The following DPYD variants were observed in gnomAD, a reference collection of about 807,000 sequenced individuals.
DPYD encodes the protein dihydropyrimidine dehydrogenase, also known as dihydropyrimidine dehydrogenase [NADP(+)].
A neutral mutation model predicts 116.2 loss-of-function variants in DPYD; 109 were observed. That is an observed-to-expected ratio of 0.94 (90% CI 0.80 to 1.10). DPYD has a LOEUF of 1.10. DPYD is among the 50% of genes least tolerant of loss of function. The probability of loss-of-function intolerance (pLI) is 0.00; values close to 1 mark genes in which losing one functional copy is unlikely to be tolerated. For missense variants in DPYD, 1,302 were observed against 1,254.5 expected (o/e 1.04, Z -0.57); for synonymous variants, 440 against 432.0 (o/e 1.02, Z -0.23).
At chr1:97,553,701 T>C (rs1348118963) in intron 11 of DPYD, among the ~76,000 whole-genome samples, 1 of 152,118 alleles carries the variant, frequency 6.6e-6, no homozygotes, top group Non-Finnish European at 1.5e-5. Flanking sequence ...TTTTCTGTTA[T>C]GTTCATGCAC....
intron 18 of DPYD, among the ~76,000 whole-genome samples, chr1:97,244,819 C>T (rs916377111): frequency 1.7e-4 from 26 of 151,914 alleles, no homozygotes; most frequent in African/African-American, 5.3e-4. Flanking sequence ...ATTGAGGAAA[C>T]GCACAAATGG....
intron 14 of DPYD, among the ~76,000 whole-genome samples, chr1:97,408,280 C>T (rs938224638): frequency 2.6e-5 from 4 of 152,148 alleles, no homozygotes; most frequent in Admixed American, 6.6e-5. Flanking sequence ...CCTACGACCA[C>T]GTGACCAGCT....
chr1:97,645,473 T>C (rs1011380749), intron 8 of DPYD, among the ~76,000 whole-genome samples: 1 of 152,174 alleles, frequency 6.6e-6, no homozygotes, highest in East Asian at 1.9e-4. Flanking sequence ...ATCCCAGTTA[T>C]ATCAATGCCA....
chr1:97,519,505 T>TCTAAAACCCA (rs778322905), intron 12 of DPYD, among the ~76,000 whole-genome samples: 16 of 152,136 alleles, frequency 1.1e-4, no homozygotes, highest in South Asian at 2.1e-4. Context: ...ATCCTGATAC[T>TCTAAAACCCA]CTAAAACCCA....
intron 16 of DPYD, among the ~76,000 whole-genome samples, chr1:97,370,092 T>A (rs1281060165): frequency 1.3e-5 from 2 of 152,174 alleles, no homozygotes; most frequent in East Asian, 3.9e-4. Context: ...TACGTGTGCA[T>A]GTGTCTTTAT....
chr1:97,499,733 CCTT>C (rs1314589819), intron 13 of DPYD, among the ~76,000 whole-genome samples: 1 of 151,800 alleles, frequency 6.6e-6, no homozygotes, highest in African/African-American at 2.4e-5. Flanking sequence ...TTAATTTAGG[CCTT>C]CTTATCTCAT....
chr1:97,720,676 T>C lies in DPYD; in HGVS notation c.483+834A>G, dbSNP rs56066952. The C allele has an allele frequency of 3.3e-3, 4,553 of 1,360,688 alleles. 12 individuals carry two copies. The highest frequency in any genetic ancestry group is 3.8e-3 in the Non-Finnish European group (3,980 of 1,056,184). 84.3% of individuals were successfully genotyped at this position (1,360,688 alleles called of 1,614,324 possible). On this transcript the variant is annotated intron_variant, in intron 5 of 22. Coordinates refer to ENST00000370192, the MANE Select transcript of DPYD (RefSeq NM_000110.4). ...ATGAAAGAACACATTGTGTTTATGC[T>C]GACAAAACCAGATCAGTAAGTCATT...
intron 8 of DPYD, among the ~76,000 whole-genome samples, chr1:97,620,267 C>T (rs1312558968): frequency 1.3e-5 from 2 of 152,130 alleles, no homozygotes; most frequent in African/African-American, 4.8e-5. Context: ...GGTTAGAGTG[C>T]AGTGGCATGA....
chr1:97,334,203 T>C (rs891400750), intron 16 of DPYD, among the ~76,000 whole-genome samples: 5 of 152,220 alleles, frequency 3.3e-5, no homozygotes, highest in East Asian at 1.9e-4. Flanking sequence ...CAATAATTTC[T>C]TGTTAATTTT....
Position 97,450,646 on chromosome 1 carries a change from A to AT in DPYD, c.1741-424dup, listed in dbSNP as rs915099278. 3.9e-4 allele frequency among the ~76,000 whole-genome samples: 59 copies of AT among 149,902 alleles called. 1 individual carries two copies. The highest frequency in any genetic ancestry group is 1.1e-3 in the Admixed American group (17 of 14,952). On this transcript the variant is annotated intron_variant, in intron 13 of 22. Coordinates refer to ENST00000370192, the MANE Select transcript of DPYD (RefSeq NM_000110.4). ...GAATTAATGTTAGTAAAAAGTTTAT[A>AT]TTTTTTTTTTCTGAAAAAAGTAACT...
intron 16 of DPYD, among the ~76,000 whole-genome samples, chr1:97,318,692 G>A (rs1381850230): frequency 1.3e-5 from 2 of 150,154 alleles, no homozygotes; most frequent in Non-Finnish European, 3.0e-5. Flanking sequence ...AGTCAACAAG[G>A]ATACCCAGGA....
chr1:97,257,464 A>AGAGAGAGAGAGAG (rs1557977908), intron 18 of DPYD, among the ~76,000 whole-genome samples: 73 of 138,226 alleles, frequency 5.3e-4, no homozygotes, highest in African/African-American at 1.8e-3. Context: ...GAGAGAGAGA[A>AGAGAGAGAGAGAG]AGAGAGAGAG....
intron 20 of DPYD, among the ~76,000 whole-genome samples, chr1:97,117,419 G>A (rs988216465): frequency 1.2e-4 from 18 of 152,078 alleles, no homozygotes; most frequent in Admixed American, 5.9e-4. Flanking sequence ...CTATATAACT[G>A]CAGAGGACAT....
chr1:97,119,578 C>A (rs1333671221), intron 20 of DPYD, among the ~76,000 whole-genome samples: 2 of 152,082 alleles, frequency 1.3e-5, no homozygotes, highest in Non-Finnish European at 2.9e-5. Flanking sequence ...GAGGGGCAAC[C>A]TTTCTGGCAT....
intron 12 of DPYD, among the ~76,000 whole-genome samples, chr1:97,516,981 A>G (rs1287758241): frequency 6.6e-6 from 1 of 152,116 alleles, no homozygotes; most frequent in East Asian, 1.9e-4. Context: ...CACTCAAAAG[A>G]AAAGTTATTT....
intron 13 of DPYD, among the ~76,000 whole-genome samples, chr1:97,456,065 A>C (rs1363777694): frequency 6.6e-6 from 1 of 151,894 alleles, no homozygotes; most frequent in East Asian, 1.9e-4. Context: ...TGTATAGCAC[A>C]AATCTGTCAC....
chr1:97,199,577 C>T (rs1357633916), intron 19 of DPYD, among the ~76,000 whole-genome samples: 3 of 150,518 alleles, frequency 2.0e-5, no homozygotes, highest in Non-Finnish European at 4.4e-5. Flanking sequence ...CATTTTTGGT[C>T]AAATACTGCA....
chr1:97,648,984 G>A (rs1658426553), intron 8 of DPYD, among the ~76,000 whole-genome samples: 1 of 151,878 alleles, frequency 6.6e-6, no homozygotes, highest in Non-Finnish European at 1.5e-5. Flanking sequence ...AGTACACCCA[G>A]ATCTTAATTT....
At chr1:97,910,635 T>C (rs1673888214) in intron 1 of DPYD, among the ~76,000 whole-genome samples, 1 of 152,082 alleles carries the variant, frequency 6.6e-6, no homozygotes, top group African/African-American at 2.4e-5. Context: ...GCTGTGAACA[T>C]TAGCACTCTA....
Sources: allele counts gnomAD v4.1 joint callset (sites outside exome capture counted in the v4.1 genomes callset), GRCh38; gene constraint gnomAD v4.1.1; transcripts MANE v1.5; gene names NCBI Gene and HGNC (gene_info 2026-07-23, HGNC 2026-07-21).